The following GATAD1 variants were observed in gnomAD, a reference collection of about 807,000 sequenced individuals.
GATAD1 encodes GATA zinc finger domain containing 1, also known as GATA zinc finger domain-containing protein 1.
A neutral mutation model predicts 26.5 loss-of-function variants in GATAD1; 12 were observed. That is an observed-to-expected ratio of 0.45 (90% CI 0.29 to 0.73). The LOEUF (loss-of-function observed/expected upper bound fraction) is 0.73. GATAD1 is among the 30% of genes least tolerant of loss of function. The probability of loss-of-function intolerance (pLI) is 0.10; values close to 1 mark genes in which losing one functional copy is unlikely to be tolerated. For missense variants in GATAD1, 266 were observed against 342.1 expected (o/e 0.78, Z 1.75); for synonymous variants, 129 against 133.1 (o/e 0.97, Z 0.21).
At chr7:92,490,884 A>G in the GATAD1 span, among the ~76,000 whole-genome samples, 2 of 152,234 alleles carry the variant, frequency 1.3e-5, no homozygotes, top group African/African-American at 4.8e-5. Flanking sequence ...AGTATCACAG[A>G]TAACACTTTG....
chr7:92,492,944 A>G, the GATAD1 span: 2 of 1,607,868 alleles, frequency 1.2e-6, no homozygotes, highest in Non-Finnish European at 1.7e-6. Context: ...ACTTCCTCAT[A>G]TAACTTGCCT....
At chr7:92,469,906 C>T in the GATAD1 span, 123 of 778,674 alleles carry the variant, frequency 1.6e-4, no homozygotes, top group East Asian at 5.6e-4. Context: ...AGTATGGGTA[C>T]GGAGGGTTTC....
chr7:92,469,472 C>G, the GATAD1 span: 2 of 767,800 alleles, frequency 2.6e-6, no homozygotes, highest in Non-Finnish European at 2.4e-6. Flanking sequence ...CTGTATAAAT[C>G]TTGTTCAGTG....
chr7:92,466,073 A>G, the GATAD1 span, among the ~76,000 whole-genome samples: 1 of 152,242 alleles, frequency 6.6e-6, no homozygotes, highest in Admixed American at 6.5e-5. Flanking sequence ...ACTTCTGATT[A>G]GAAGAGTGGA....
At chr7:92,493,982 C>A in the GATAD1 span, 2 of 292,918 alleles carry the variant, frequency 6.8e-6, no homozygotes, top group Non-Finnish European at 1.3e-5. Context: ...TTTTTTTTGA[C>A]AGGATAATGG....
the GATAD1 span, chr7:92,491,394 G>A: frequency 6.2e-7 from 1 of 1,613,280 alleles, no homozygotes; most frequent in Non-Finnish European, 8.5e-7. Context: ...ACAAGGGACT[G>A]ATCTAAGCCA....
chr7:92,493,336 AAATC>A, the GATAD1 span: 30 of 363,396 alleles, frequency 8.3e-5, no homozygotes, highest in East Asian at 1.6e-3. Flanking sequence ...AAATGAATGA[AAATC>A]AAACACTCTT....
At chr7:92,490,815 A>C in the GATAD1 span, among the ~76,000 whole-genome samples, 1 of 152,200 alleles carries the variant, frequency 6.6e-6, no homozygotes, top group Non-Finnish European at 1.5e-5. Context: ...ACATTTAATC[A>C]AAACACTTTC....
the GATAD1 span, among the ~76,000 whole-genome samples, chr7:92,474,161 G>A: frequency 1.3e-4 from 19 of 151,862 alleles, no homozygotes; most frequent in Admixed American, 1.2e-3. Context: ...TTTTAATCCC[G>A]TTTGTCCTGT....
At chr7:92,469,937 G>A in the GATAD1 span, 2 of 778,212 alleles carry the variant, frequency 2.6e-6, no homozygotes, top group Non-Finnish European at 4.8e-6. Context: ...GAGAGATCTA[G>A]TCCTTTGTAG....
the GATAD1 span, among the ~76,000 whole-genome samples, chr7:92,485,949 C>CTATG: frequency 6.6e-6 from 1 of 152,134 alleles, no homozygotes; most frequent in African/African-American, 2.4e-5. Flanking sequence ...TATTTGTGTC[C>CTATG]TATGTGAATG....
the GATAD1 span, among the ~76,000 whole-genome samples, chr7:92,487,981 C>T: frequency 6.6e-6 from 1 of 152,158 alleles, no homozygotes; most frequent in Non-Finnish European, 1.5e-5. Context: ...TATACAATTC[C>T]ACCTCTATCC....
chr7:92,448,689 C>G lies in GATAD1; in HGVS notation c.250-63C>G, dbSNP rs949956812. 5 of 1,308,410 alleles carry G rather than the reference C, an allele frequency of 3.8e-6. No individual in the cohort carries two copies. In the African/African-American group the frequency reaches 5.8e-5, roughly 15 times the overall value. The allele number at this position is 1,308,410 out of a possible 1,614,324, so 81.1% of individuals were successfully genotyped here. On this transcript the variant is annotated intron_variant, in intron 1 of 4. Transcript: ENST00000287957. ...CTGGGATCCTTGTAAGATGATTGTA[C>G]TGCAACCTTTATGCACTTTTTACTT...
At chr7:92,489,267 C>T in the GATAD1 span, 1 of 1,602,768 alleles carries the variant, frequency 6.2e-7, no homozygotes, top group Non-Finnish European at 8.5e-7. Context: ...AGTAGCTGTA[C>T]TTCCAAAACA....
the GATAD1 span, chr7:92,473,081 A>G: frequency 2.6e-5 from 4 of 152,268 alleles, no homozygotes; most frequent in African/African-American, 9.6e-5. Flanking sequence ...GGTTTGAAGT[A>G]TCTTCAAAGG....
At chr7:92,449,337 A>T (rs1789318045) in intron 2 of GATAD1, 1 of 901,472 alleles carries the variant, frequency 1.1e-6, no homozygotes, top group Non-Finnish European at 1.3e-6. Context: ...CTGACTTATG[A>T]TGATGATGTA....
the GATAD1 span, chr7:92,478,036 T>G: frequency 6.6e-6 from 1 of 152,036 alleles, no homozygotes. Context: ...TTTCTTTACC[T>G]CCTGTCTTTG....
intron 2 of GATAD1, chr7:92,449,831 A>G (rs976044452): frequency 3.2e-5 from 5 of 154,092 alleles, no homozygotes; most frequent in African/African-American, 1.2e-4. Context: ...CCCCGCATGC[A>G]TTAGATATTT....
the GATAD1 span, among the ~76,000 whole-genome samples, chr7:92,479,315 G>C: frequency 6.6e-6 from 1 of 152,144 alleles, no homozygotes; most frequent in East Asian, 1.9e-4. Context: ...GGGAGATGGG[G>C]TGGGGCCATT....
Sources: allele counts gnomAD v4.1 joint callset (sites outside exome capture counted in the v4.1 genomes callset), GRCh38; gene constraint gnomAD v4.1.1; transcripts MANE v1.5; gene names NCBI Gene and HGNC (gene_info 2026-07-23, HGNC 2026-07-21).